The following DNAH11 variants were observed in gnomAD, a reference collection of about 807,000 sequenced individuals.
The protein encoded by DNAH11 is axonemal beta dynein heavy chain 11.
A neutral mutation model predicts 526.0 loss-of-function variants in DNAH11; 442 were observed. The ratio of observed to expected loss-of-function variants is 0.84; its 90% CI spans 0.78 to 0.91. DNAH11 has a LOEUF of 0.91. Ranked by LOEUF, DNAH11 falls within the 40% of genes least tolerant of loss-of-function variation. The pLI, the probability that DNAH11 is intolerant of heterozygous loss-of-function variation, is 0.00. For synonymous variants in DNAH11, 2,461 were observed against 1,935.9 expected (o/e 1.27, Z -7.12); for missense variants, 6,989 against 5,448.7 (o/e 1.28, Z -8.90).
intron 55 of DNAH11, among the ~76,000 whole-genome samples, chr7:21,770,699 G>GT (rs1787401520): frequency 6.6e-6 from 1 of 152,184 alleles, no homozygotes; most frequent in South Asian, 2.1e-4. Flanking sequence ...TGGGAAAGCA[G>GT]TAAAAGAAGA....
chr7:21,693,054 C>G (rs1389598036), intron 35 of DNAH11, among the ~76,000 whole-genome samples: 3 of 151,976 alleles, frequency 2.0e-5, no homozygotes, highest in African/African-American at 4.8e-5. Context: ...TGTGGCTTGC[C>G]TTTTCATTTT....
At chr7:21,557,053 ACT>A (rs1431650482) in intron 2 of DNAH11, among the ~76,000 whole-genome samples, 3 of 148,228 alleles carry the variant, frequency 2.0e-5, no homozygotes, top group African/African-American at 7.4e-5. Context: ...ACAAAGTGAG[ACT>A]CTGTCTCAAA....
rs2214326 is a variant in DNAH11, at chr7:21,816,533, G to T, written c.10399G>T (p.Ala3467Ser). The stretch of plus-strand genomic sequence containing the variant: ...GTTGACGGATGATGCTACAATTGCC[G>T]CCTGGAATAACGAAGGACTGCCCAG... ...SMLTDDATIA[A>S]WNNEGLPSDR... The change falls in exon 64 of 82, where the codon GCC becomes TCC. Residue 3467 changes from alanine (A) to serine (S), a missense_variant. By Grantham distance (99) the Ala-to-Ser change is moderately conservative (BLOSUM62 1). Transcript: ENST00000409508. 10 of 1,611,670 alleles carry T rather than the reference G, an allele frequency of 6.2e-6. No individual in the cohort carries two copies. Among genetic ancestry groups the T allele is most frequent in the Admixed American group, 1.7e-5 (1 of 59,584 alleles).
At chr7:21,581,881 A>G in intron 8 of DNAH11, 24 bp from the exon 9 acceptor site, 1 of 1,439,160 alleles carries the variant, frequency 6.9e-7, no homozygotes, top group East Asian at 2.3e-5. Flanking sequence ...CCAATATACT[A>G]ATATTTCACT....
intron 76 of DNAH11, among the ~76,000 whole-genome samples, chr7:21,885,228 TATC>T (rs1235919634): frequency 7.5e-6 from 1 of 133,650 alleles, no homozygotes; most frequent in Non-Finnish European, 1.6e-5. Flanking sequence ...AACATTAACA[TATC>T]ATGGTAATAT....
chr7:21,606,543 G>A lies in DNAH11; in HGVS notation c.3765+1G>A, dbSNP rs766759197. ...AAGGAAAAAATGTATTTTGTTTGAC[G>A]TAAGCTAGTTACCAAGTTTTTGTTT... On this transcript the variant is annotated splice_donor_variant, in intron 19 of 81. Coordinates refer to ENST00000409508, the MANE Select transcript of DNAH11 (RefSeq NM_001277115.2). LOFTEE classifies it high-confidence loss of function. 8.7e-6 allele frequency: 14 copies of A among 1,602,734 alleles called. No individual in the cohort carries two copies. Among genetic ancestry groups the A allele is most frequent in the African/African-American group, 2.7e-5 (2 of 74,284 alleles).
chr7:21,726,769 G>A (rs1433093544), intron 45 of DNAH11, among the ~76,000 whole-genome samples: 8 of 144,482 alleles, frequency 5.5e-5, no homozygotes, highest in African/African-American at 2.1e-4. Flanking sequence ...TCTGAGGCAG[G>A]AGAGTCGCTT....
chr7:21,716,278 C>T (rs539613920), intron 42 of DNAH11, among the ~76,000 whole-genome samples: 118 of 152,226 alleles, frequency 7.8e-4, no homozygotes, highest in African/African-American at 2.7e-3. Context: ...GGAGACGGAG[C>T]CGCGATCTAA....
Position 21,735,723 on chromosome 7 carries a change from A to G in DNAH11, c.7524A>G (p.Leu2508=), listed in dbSNP as rs1298766099. 5 of 1,613,874 alleles carry G rather than the reference A, an allele frequency of 3.1e-6. No individual in the cohort carries two copies. The South Asian group carries it at 4.4e-5, about 14-fold the overall frequency. ...LLLEKGKPLM[L]VGNAGVGKTV... The stretch of plus-strand genomic sequence containing the variant: ...TTGAGAAAGGAAAACCTCTAATGCT[A>G]GTAGGAAATGCAGGAGTGGGAAAAA... The change falls in exon 46 of 82, where the codon CTA becomes CTG. Residue 2508 remains leucine, a synonymous_variant. Transcript: ENST00000409508.
intron 74 of DNAH11, among the ~76,000 whole-genome samples, chr7:21,875,950 C>A (rs1188144317): frequency 7.8e-6 from 1 of 128,450 alleles, no homozygotes; most frequent in Non-Finnish European, 1.5e-5. Flanking sequence ...GTGGTACGAT[C>A]TCGGCTCACT....
chr7:21,796,920 CAA>C (rs915283515), intron 61 of DNAH11, among the ~76,000 whole-genome samples: 1 of 151,876 alleles, frequency 6.6e-6, no homozygotes, highest in African/African-American at 2.4e-5. Context: ...TTTTTACAAA[CAA>C]TGATTAGTAA....
intron 42 of DNAH11, among the ~76,000 whole-genome samples, chr7:21,715,517 A>G (rs1784623296): frequency 6.6e-6 from 1 of 152,224 alleles, no homozygotes; most frequent in Non-Finnish European, 1.5e-5. Flanking sequence ...GTGGGCAAGG[A>G]AAGAATATGC....
intron 25 of DNAH11, among the ~76,000 whole-genome samples, chr7:21,621,629 C>A (rs1223214616): frequency 6.6e-6 from 1 of 151,990 alleles, no homozygotes; most frequent in Non-Finnish European, 1.5e-5. Context: ...CCACCAGGAT[C>A]AAGTGGGCTT....
At chr7:21,706,418 A>C (rs1389894180) in intron 39 of DNAH11, among the ~76,000 whole-genome samples, 1 of 152,170 alleles carries the variant, frequency 6.6e-6, no homozygotes, top group East Asian at 1.9e-4. Context: ...GGAACTTGCC[A>C]GTATTTAGAT....
At chr7:21,800,865 A>G (rs754640400) in intron 61 of DNAH11, among the ~76,000 whole-genome samples, 1 of 152,152 alleles carries the variant, frequency 6.6e-6, no homozygotes, top group Non-Finnish European at 1.5e-5. Flanking sequence ...GCGCACATCC[A>G]TTCACCCCAG....
chr7:21,843,840 A>G (rs1314333868), intron 66 of DNAH11, among the ~76,000 whole-genome samples: 1 of 152,214 alleles, frequency 6.6e-6, no homozygotes, highest in African/African-American at 2.4e-5. Context: ...GAAAAATAAA[A>G]AGAATTTATG....
At chr7:21,624,149 G>C (rs922815604) in intron 25 of DNAH11, among the ~76,000 whole-genome samples, 1 of 151,986 alleles carries the variant, frequency 6.6e-6, no homozygotes, top group Non-Finnish European at 1.5e-5. Context: ...TAGTACAATA[G>C]CAGGTAGTGT....
chr7:21,687,613 C>T (rs528309175), intron 34 of DNAH11, 86 bp downstream of exon 34: 10 of 1,415,392 alleles, frequency 7.1e-6, no homozygotes, highest in Non-Finnish European at 9.5e-6. Flanking sequence ...CTATTGCTAC[C>T]TCTCCCTGTC....
At chr7:21,877,711 T>C (rs1315753092) in intron 74 of DNAH11, among the ~76,000 whole-genome samples, 3 of 151,570 alleles carry the variant, frequency 2.0e-5, no homozygotes, top group African/African-American at 7.3e-5. Context: ...CCATCTCTAC[T>C]AAAAATACAA....
Sources: gnomAD v4.1 joint callset for allele counts (sites outside exome capture counted in the v4.1 genomes callset) on GRCh38, gnomAD v4.1.1 for gene constraint, MANE v1.5 for transcripts, NCBI Gene and HGNC (gene_info 2026-07-23, HGNC 2026-07-21) for gene names.